Variants in NDUFA13 observed in about 807,000 individuals in gnomAD.
NDUFA13 encodes NADH:ubiquinone oxidoreductase subunit A13, also known as NADH dehydrogenase [ubiquinone] 1 alpha subcomplex subunit 13.
In NDUFA13, 16 loss-of-function variants were observed where a neutral mutation model predicts 17.0. The ratio of observed to expected loss-of-function variants is 0.94; its 90% CI spans 0.64 to 1.43. NDUFA13 has a LOEUF of 1.43. Ranked by LOEUF, NDUFA13 falls within the 40% of genes most tolerant of loss-of-function variation. The probability of loss-of-function intolerance (pLI) is 0.00; values close to 1 mark genes in which losing one functional copy is unlikely to be tolerated. For synonymous variants in NDUFA13, 87 were observed against 78.4 expected (o/e 1.11, Z -0.58); for missense variants, 228 against 206.7 (o/e 1.10, Z -0.63).
At chr19:19,519,193 G>A (rs78883953) in intron 1 of NDUFA13, among the ~76,000 whole-genome samples, 23,645 of 151,876 alleles carry the variant, frequency 0.16, 1,951 homozygotes, top group Middle Eastern at 0.28. Context: ...GCCTGGCCGA[G>A]TCTCATTCTT....
intron 1 of NDUFA13, among the ~76,000 whole-genome samples, chr19:19,524,639 C>G (rs1395668455): frequency 6.6e-6 from 1 of 152,080 alleles, no homozygotes; most frequent in Non-Finnish European, 1.5e-5. Flanking sequence ...AACCCTGTCT[C>G]TACTAAAAAT....
At chr19:19,524,664 G>A (rs1172366001) in intron 1 of NDUFA13, among the ~76,000 whole-genome samples, 1 of 152,138 alleles carries the variant, frequency 6.6e-6, no homozygotes, top group Admixed American at 6.5e-5. Context: ...AAATTAGCCT[G>A]GCGTGGTGGT....
intron 2 of NDUFA13, 68 bp downstream of exon 2, chr19:19,526,328 C>A (rs369351235): frequency 6.4e-7 from 1 of 1,556,400 alleles, no homozygotes; most frequent in Non-Finnish European, 8.8e-7. Context: ...TGTAGCATTC[C>A]GCTGTTGTCT....
Position 19,527,730 on chromosome 19 carries a change from A to T in NDUFA13, c.275A>T (p.Glu92Val). Residue 92 changes from glutamate (E) to valine (V), a missense_variant, in exon 4 of 5, where the codon GAG (glutamate) becomes GTG (valine). Transcript: ENST00000507754. ...RTLQMLRENL[E>V]EEAIIMKDVP... The stretch of plus-strand genomic sequence containing the variant: ...TTGCAGATGCTTCGGGAGAACCTGG[A>T]GGAGGAGGCCATCATCATGAAGGAC... 6.4e-7 allele frequency: 1 copy of T among 1,552,632 alleles called. No individual in the cohort carries two copies. Among genetic ancestry groups the T allele is most frequent in the Non-Finnish European group, 8.7e-7 (1 of 1,147,390 alleles).
chr19:19,524,054 C>CGCTGCGCCCAGGT (rs67644947), intron 1 of NDUFA13, among the ~76,000 whole-genome samples: 64,814 of 151,986 alleles, frequency 0.43, 15,084 homozygotes, highest in African/African-American at 0.61. Context: ...AAGCGTGAGC[C>CGCTGCGCCCAGGT]GAAAAAATTT....
intron 1 of NDUFA13, among the ~76,000 whole-genome samples, chr19:19,522,386 T>G (rs1165477843): frequency 6.6e-6 from 1 of 151,466 alleles, no homozygotes; most frequent in African/African-American, 2.4e-5. Flanking sequence ...TGGTGTCATA[T>G]CTAAGAAACC....
intron 1 of NDUFA13, among the ~76,000 whole-genome samples, chr19:19,517,954 G>C (rs896269715): frequency 6.6e-6 from 1 of 152,068 alleles, no homozygotes; most frequent in Non-Finnish European, 1.5e-5. Flanking sequence ...TTTACAAATG[G>C]AAAGTGTTCT....
At position 19,516,272 on chromosome 19, in the gene NDUFA13, C is replaced by G; in HGVS notation, c.34C>G (p.Pro12Ala). The change falls in exon 1 of 5, where the codon CCG (proline) becomes GCG (alanine). Residue 12 changes from proline to alanine, a missense_variant. Pro to Ala is a conservative substitution (Grantham distance 27). Transcript: ENST00000507754. ...GTCAAAGGTGAAGCAGGACATGCCTCCGCCGGGGGGCTATGGGCCCATCGA... is the reference window on the plus strand; with the variant it reads ...GTCAAAGGTGAAGCAGGACATGCCTGCGCCGGGGGGCTATGGGCCCATCGA... ...AASKVKQDMP[P>A]PGGYGPIDYK... 1.2e-6 allele frequency: 2 copies of G among 1,613,974 alleles called. No homozygotes were observed. The highest frequency in any genetic ancestry group is 2.7e-5 in the African/African-American group (2 of 75,064).
intron 1 of NDUFA13, among the ~76,000 whole-genome samples, chr19:19,524,460 A>AT: frequency 6.6e-6 from 1 of 152,142 alleles, no homozygotes; most frequent in African/African-American, 2.4e-5. Context: ...CCAAGGGCCC[A>AT]TTTTCTGCAC....
chr19:19,522,477 C>CTTTTTT lies in NDUFA13; in HGVS notation c.95-3691_95-3686dup, dbSNP rs3067694. Among the ~76,000 whole-genome samples the CTTTTTT allele has an allele frequency of 1.3e-4, 12 of 95,016 alleles. 2 individuals are homozygous for CTTTTTT. Among genetic ancestry groups the CTTTTTT allele is most frequent in the African/African-American group, 1.9e-4 (4 of 20,842 alleles). 62.3% of individuals were successfully genotyped at this position (95,016 alleles called of 152,430 possible). ...AGCTCTTACGCTTAGGTCTTTGATC[C>CTTTTTT]TTTTTTTTTTTTTTTTTTTGAGATG... On this transcript the variant is annotated intron_variant, in intron 1 of 4. Transcript: ENST00000507754.
chr19:19,517,778 C>T (rs1322446291), intron 1 of NDUFA13, among the ~76,000 whole-genome samples: 1 of 152,002 alleles, frequency 6.6e-6, no homozygotes, highest in East Asian at 1.9e-4. Context: ...CCTCCAGCCT[C>T]AGCCTCCCAA....
At chr19:19,527,432 G>A in intron 3 of NDUFA13, 80 bp downstream of exon 3, 3 of 1,545,108 alleles carry the variant, frequency 1.9e-6, no homozygotes, top group South Asian at 1.1e-5. Context: ...ATCCCCGAAG[G>A]TGGCCAGAAT....
chr19:19,516,424 G>A (rs1317022335), intron 1 of NDUFA13, 92 bp downstream of exon 1: 2 of 1,408,024 alleles, frequency 1.4e-6, no homozygotes, highest in African/African-American at 1.4e-5. Flanking sequence ...CAGTTTTCCC[G>A]GCGGTGTGAC....
At chr19:19,521,245 C>T (rs759507715) in intron 1 of NDUFA13, among the ~76,000 whole-genome samples, 12 of 152,090 alleles carry the variant, frequency 7.9e-5, no homozygotes, top group Non-Finnish European at 1.5e-4. Flanking sequence ...GCATGTGAAG[C>T]GGTATTTCAT....
chr19:19,526,735 C>A (rs938053358), intron 2 of NDUFA13: 10 of 292,020 alleles, frequency 3.4e-5, no homozygotes, highest in Admixed American at 1.4e-4. Flanking sequence ...GCCAGGCGCC[C>A]CCCTCTCCCT....
intron 1 of NDUFA13, among the ~76,000 whole-genome samples, chr19:19,524,415 G>A (rs995500227): frequency 2.2e-4 from 33 of 152,218 alleles, no homozygotes; most frequent in Admixed American, 7.2e-4. Context: ...ATGGGCCTGC[G>A]TATGAGTGCG....
chr19:19,520,596 C>T (rs111676497), intron 1 of NDUFA13, among the ~76,000 whole-genome samples: 193 of 152,290 alleles, frequency 1.3e-3, no homozygotes, highest in African/African-American at 4.5e-3. Context: ...TGCCTCTGCA[C>T]TCCAGCCTGG....
chr19:19,519,045 A>ATTTTTTTTT (rs71170693), intron 1 of NDUFA13, among the ~76,000 whole-genome samples: 4,485 of 114,670 alleles, frequency 0.039, 474 homozygotes, highest in African/African-American at 0.14. Context: ...GGCCCGGCCT[A>ATTTTTTTTT]TTTTTTTTTT....
intron 1 of NDUFA13, among the ~76,000 whole-genome samples, chr19:19,522,540 G>A (rs367724981): frequency 5.8e-5 from 8 of 137,154 alleles, no homozygotes; most frequent in South Asian, 2.6e-4. Flanking sequence ...GTGCAGTGGC[G>A]CGATCTAGGC....
Sources: gnomAD v4.1 joint callset for allele counts (sites outside exome capture counted in the v4.1 genomes callset) on GRCh38, gnomAD v4.1.1 for gene constraint, MANE v1.5 for transcripts, NCBI Gene and HGNC (gene_info 2026-07-23, HGNC 2026-07-21) for gene names.